FAM171A1: variants seen among roughly 807,000 people sequenced by gnomAD.
FAM171A1 encodes the protein protein FAM171A1.
FAM171A1 carries 23 observed loss-of-function variants against 74.9 expected under a neutral mutation model. The observed-to-expected ratio is 0.31, with a 90% CI of 0.22 to 0.44. The LOEUF (loss-of-function observed/expected upper bound fraction) is 0.44, where lower values mean the gene tolerates loss of function less well. Ranked by LOEUF, FAM171A1 falls within the 20% of genes least tolerant of loss-of-function variation. FAM171A1 has a pLI of 1.00. For synonymous variants in FAM171A1, 527 were observed against 505.7 expected, an observed-to-expected ratio of 1.04 and a Z score of -0.57; for missense variants, 1,162 against 1,159.2, an observed-to-expected ratio of 1.00 and a Z score of -0.03.
At chr10:15,286,231 T>C (rs1297918358) in intron 1 of FAM171A1, among the ~76,000 whole-genome samples, 1 of 152,098 alleles carries the variant, frequency 6.6e-6, no homozygotes, top group African/African-American at 2.4e-5. Flanking sequence ...AAGAAATATA[T>C]AAAACAAAAG....
intron 5 of FAM171A1, among the ~76,000 whole-genome samples, chr10:15,238,386 C>T (rs1834322073): frequency 6.6e-6 from 1 of 152,182 alleles, no homozygotes; most frequent in Non-Finnish European, 1.5e-5. Context: ...GGTGCCTTCG[C>T]TACAATTGAT....
chr10:15,229,454 TCATTGTCACCATCATCAC>T (rs1834155629), intron 5 of FAM171A1, among the ~76,000 whole-genome samples: 1 of 146,452 alleles, frequency 6.8e-6, no homozygotes. Flanking sequence ...GTCACCACCA[TCATTGTCACCATCATCAC>T]CATTGTCACC....
intron 3 of FAM171A1, among the ~76,000 whole-genome samples, chr10:15,272,619 C>G (rs9731386): frequency 0.55 from 84,119 of 151,996 alleles, 24,958 homozygotes; most frequent in South Asian, 0.71. Flanking sequence ...ACACTTATTC[C>G]AAAATTGACC....
At chr10:15,249,131 C>T (rs1449680279) in intron 4 of FAM171A1, among the ~76,000 whole-genome samples, 11 of 127,134 alleles carry the variant, frequency 8.7e-5, no homozygotes, top group African/African-American at 3.3e-4. Flanking sequence ...AAGTCTCATT[C>T]CGTTGCCCAG....
At chr10:15,312,429 G>A (rs1236185963) in intron 1 of FAM171A1, among the ~76,000 whole-genome samples, 5 of 151,798 alleles carry the variant, frequency 3.3e-5, no homozygotes, top group Non-Finnish European at 4.4e-5. Flanking sequence ...ATGCTATGCT[G>A]ACACTAAGTA....
chr10:15,326,465 C>T (rs898818694), intron 1 of FAM171A1, among the ~76,000 whole-genome samples: 1 of 151,892 alleles, frequency 6.6e-6, no homozygotes, highest in African/African-American at 2.4e-5. Flanking sequence ...CAGGTGTGAG[C>T]CACTACTCCC....
At chr10:15,254,925 G>C in intron 3 of FAM171A1, 46 bp from the exon 4 acceptor site, 1 of 1,581,780 alleles carries the variant, frequency 6.3e-7, no homozygotes, top group Non-Finnish European at 8.6e-7. Flanking sequence ...AGCAGTTTCT[G>C]TTTTTAGAAA....
intron 3 of FAM171A1, among the ~76,000 whole-genome samples, chr10:15,264,776 T>A (rs1044108977): frequency 1.3e-5 from 2 of 151,854 alleles, no homozygotes; most frequent in African/African-American, 2.4e-5. Flanking sequence ...TGGGACCCTG[T>A]CTCTTAAAAA....
chr10:15,361,164 T>C (rs1258632792), intron 1 of FAM171A1, among the ~76,000 whole-genome samples: 2 of 152,178 alleles, frequency 1.3e-5, no homozygotes, highest in African/African-American at 4.8e-5. Flanking sequence ...AAATGTTACT[T>C]ATAATAAAAT....
At chr10:15,242,849 C>CAAG (rs1282633492) in intron 5 of FAM171A1, among the ~76,000 whole-genome samples, 1 of 152,140 alleles carries the variant, frequency 6.6e-6, no homozygotes, top group African/African-American at 2.4e-5. Flanking sequence ...AATGTACTGT[C>CAAG]ATGGTTATTT....
intron 1 of FAM171A1, among the ~76,000 whole-genome samples, chr10:15,339,626 A>G (rs1332737808): frequency 1.3e-5 from 2 of 152,164 alleles, no homozygotes; most frequent in East Asian, 3.9e-4. Context: ...GCTGCTCTTG[A>G]GCTTGATCAT....
At chr10:15,248,917 A>G (rs2131758540) in intron 4 of FAM171A1, 102 bp from the exon 5 acceptor site, 3 of 1,097,832 alleles carry the variant, frequency 2.7e-6, no homozygotes, top group East Asian at 2.6e-5. Flanking sequence ...TACCTCCTAT[A>G]TGCCAGGGAC....
At chr10:15,227,826 T>G (rs1479408940) in intron 5 of FAM171A1, among the ~76,000 whole-genome samples, 1 of 152,218 alleles carries the variant, frequency 6.6e-6, no homozygotes, top group Non-Finnish European at 1.5e-5. Flanking sequence ...GTGTAAAGCA[T>G]CATGCATTCT....
chr10:15,368,458 T>C (rs1267856725), intron 1 of FAM171A1, among the ~76,000 whole-genome samples: 1 of 152,224 alleles, frequency 6.6e-6, no homozygotes, highest in African/African-American at 2.4e-5. Flanking sequence ...CAAATCCTGT[T>C]GGTGCATAAT....
At chr10:15,316,998 G>GC (rs1357566034) in intron 1 of FAM171A1, among the ~76,000 whole-genome samples, 1 of 151,874 alleles carries the variant, frequency 6.6e-6, no homozygotes, top group Non-Finnish European at 1.5e-5. Context: ...CACTGGAGCT[G>GC]CCCCTGCTCT....
At chr10:15,234,804 C>G (rs990027130) in intron 5 of FAM171A1, among the ~76,000 whole-genome samples, 2 of 151,808 alleles carry the variant, frequency 1.3e-5, no homozygotes, top group African/African-American at 4.8e-5. Context: ...AGGCACCCAC[C>G]ACCACGCCCG....
intron 4 of FAM171A1, among the ~76,000 whole-genome samples, chr10:15,251,522 C>T (rs541759654): frequency 6.6e-6 from 1 of 151,896 alleles, no homozygotes; most frequent in Non-Finnish European, 1.5e-5. Flanking sequence ...CCTGCCTCAG[C>T]CTCCTGAGTA....
chr10:15,349,952 C>T (rs747251405), intron 1 of FAM171A1, among the ~76,000 whole-genome samples: 24 of 152,048 alleles, frequency 1.6e-4, no homozygotes, highest in Non-Finnish European at 3.2e-4. Flanking sequence ...AAAAGCCAGG[C>T]GCTTTGATGT....
intron 1 of FAM171A1, among the ~76,000 whole-genome samples, chr10:15,366,423 A>C (rs936754388): frequency 3.7e-4 from 57 of 152,252 alleles, no homozygotes; most frequent in African/African-American, 1.4e-3. Flanking sequence ...CCTGGCCTGA[A>C]ACTTAATTTC....
Sources: allele counts gnomAD v4.1 joint callset (sites outside exome capture counted in the v4.1 genomes callset), GRCh38; gene constraint gnomAD v4.1.1; transcripts MANE v1.5; gene names NCBI Gene and HGNC (gene_info 2026-07-23, HGNC 2026-07-21).